RARB: variants seen among roughly 807,000 people sequenced by gnomAD.
The protein encoded by RARB is HBV-activated protein.
RARB carries 17 observed loss-of-function variants against 51.9 expected under a neutral mutation model. The ratio of observed to expected loss-of-function variants is 0.33; its 90% CI spans 0.22 to 0.49. RARB has a LOEUF of 0.49. Ranked by LOEUF, RARB falls within the 20% of genes least tolerant of loss-of-function variation. The probability of loss-of-function intolerance (pLI) is 0.99; values close to 1 mark genes in which losing one functional copy is unlikely to be tolerated. For missense variants in RARB, 369 were observed against 550.8 expected, an observed-to-expected ratio of 0.67 and a Z score of 3.30; for synonymous variants, 215 against 195.4, an observed-to-expected ratio of 1.10 and a Z score of -0.84.
chr3:25,349,778 A>T (rs189905769), intron 5 of RARB, among the ~76,000 whole-genome samples: 2 of 152,232 alleles, frequency 1.3e-5, no homozygotes, highest in Admixed American at 1.3e-4. Context: ...TAACAAAACT[A>T]CCCCCAACAT....
chr3:25,139,673 G>A (rs533546718), intron 4 of RARB, among the ~76,000 whole-genome samples: 111 of 152,296 alleles, frequency 7.3e-4, no homozygotes, highest in Middle Eastern at 3.4e-3. Flanking sequence ...GACTAGGTAG[G>A]ATAATTGATG....
intron 2 of RARB, among the ~76,000 whole-genome samples, chr3:24,866,228 T>G (rs2125345716): frequency 6.6e-6 from 1 of 152,210 alleles, no homozygotes; most frequent in African/African-American, 2.4e-5. Context: ...TCCTAACGGC[T>G]TGTAATTCCA....
chr3:25,317,896 C>T (rs565845619), intron 5 of RARB, among the ~76,000 whole-genome samples: 1 of 146,504 alleles, frequency 6.8e-6, no homozygotes, highest in East Asian at 2.1e-4. Context: ...TTCACACCAC[C>T]CAGCCTGTCT....
At chr3:25,157,978 T>G (rs151237634) in intron 4 of RARB, among the ~76,000 whole-genome samples, 1 of 152,360 alleles carries the variant, frequency 6.6e-6, no homozygotes, top group African/African-American at 2.4e-5. Flanking sequence ...AATTAATAAC[T>G]TTTCCAAAGT....
At chr3:24,996,189 A>G (rs923499459) in intron 2 of RARB, among the ~76,000 whole-genome samples, 7 of 152,072 alleles carry the variant, frequency 4.6e-5, no homozygotes, top group East Asian at 3.9e-4. Flanking sequence ...ATCTTGGTAC[A>G]TTATATGTGT....
intron 5 of RARB, among the ~76,000 whole-genome samples, chr3:25,359,840 CTGTT>C (rs1424917472): frequency 3.3e-5 from 5 of 152,110 alleles, no homozygotes; most frequent in South Asian, 4.1e-4. Context: ...GTCTGAGAGA[CTGTT>C]TGTTATGATT....
chr3:25,526,042 T>G (rs1253649051), intron 3 of RARB, among the ~76,000 whole-genome samples: 2 of 152,168 alleles, frequency 1.3e-5, no homozygotes, highest in African/African-American at 4.8e-5. Flanking sequence ...AATGCATAAT[T>G]AACAATCAAG....
In RARB at chr3:25,329,293, C is replaced by A. The variant is rs1044085496; in HGVS notation, c.179-131900C>A. Among the ~76,000 whole-genome samples, 3 of 152,212 alleles carry A rather than the reference C, an allele frequency of 2.0e-5. No homozygotes were observed. In the East Asian group the frequency reaches 5.8e-4, roughly 30 times the overall value. On this transcript the variant is annotated intron_variant, in intron 5 of 11. Transcript: ENST00000383772. ...CCACCCAGTAGGGGCTGACTGACAC[C>A]TCATACGGCCGGGTGCCCCTCTGAG... is the stretch of plus-strand genomic sequence containing the variant.
At chr3:24,906,296 G>C (rs1694862855) in intron 2 of RARB, among the ~76,000 whole-genome samples, 1 of 152,190 alleles carries the variant, frequency 6.6e-6, no homozygotes. Context: ...TGGGTTTAGA[G>C]AAGAATGGAT....
intron 2 of RARB, among the ~76,000 whole-genome samples, chr3:24,878,860 G>A (rs1283738339): frequency 6.6e-6 from 1 of 152,024 alleles, no homozygotes; most frequent in Admixed American, 6.5e-5. Context: ...ACTGTCTCCT[G>A]CCTATAGATA....
chr3:25,171,805 TTGAG>T (rs1240325515), intron 4 of RARB, among the ~76,000 whole-genome samples: 1 of 152,120 alleles, frequency 6.6e-6, no homozygotes, highest in Admixed American at 6.5e-5. Flanking sequence ...AAAAATCAAA[TTGAG>T]TGGAAACTCA....
intron 3 of RARB, among the ~76,000 whole-genome samples, chr3:25,075,760 T>C (rs1316832932): frequency 6.6e-6 from 1 of 152,130 alleles, no homozygotes; most frequent in Non-Finnish European, 1.5e-5. Context: ...CACACTGTTT[T>C]GGAGTTACTT....
intron 5 of RARB, among the ~76,000 whole-genome samples, chr3:25,419,415 C>A (rs968269917): frequency 2.6e-5 from 4 of 152,158 alleles, no homozygotes; most frequent in African/African-American, 2.4e-5. Context: ...CTGGCTCACA[C>A]TGGATTCTGC....
Position 25,275,161 on chromosome 3 carries a change from C to G in RARB, c.178+100586C>G, listed in dbSNP as rs949338572. Among the ~76,000 whole-genome samples, 4 of 152,170 alleles carry G rather than the reference C, an allele frequency of 2.6e-5. No individual in the cohort carries two copies. The East Asian group carries it at 7.7e-4, about 29-fold the overall frequency. ...ATCATACCCACAGACTCTCCGTGAGCACCTCTTAACCCAAGTCTGGCTAGG... is the reference window on the plus strand; with the variant it reads ...ATCATACCCACAGACTCTCCGTGAGGACCTCTTAACCCAAGTCTGGCTAGG... On this transcript the variant is annotated intron_variant, in intron 5 of 11. Transcript: ENST00000383772.
chr3:25,580,433 C>A (rs929074792), intron 4 of RARB, 113 bp from the exon 5 acceptor site: 2 of 1,036,680 alleles, frequency 1.9e-6, no homozygotes, highest in South Asian at 1.9e-5. Flanking sequence ...CACCAACAAC[C>A]TGCCTGCTCA....
intron 5 of RARB, among the ~76,000 whole-genome samples, chr3:25,185,909 G>A (rs539820307): frequency 6.6e-6 from 1 of 152,178 alleles, no homozygotes; most frequent in African/African-American, 2.4e-5. Flanking sequence ...TGCTGCAAAG[G>A]CTAACATCAT....
intron 5 of RARB, among the ~76,000 whole-genome samples, chr3:25,185,306 A>G (rs17015924): frequency 0.041 from 6,182 of 152,230 alleles, 446 homozygotes; most frequent in African/African-American, 0.14. Flanking sequence ...GCTATTTTTC[A>G]TAGATGAGGA....
intron 5 of RARB, among the ~76,000 whole-genome samples, chr3:25,202,842 G>A (rs957034579): frequency 6.6e-6 from 1 of 152,186 alleles, no homozygotes; most frequent in African/African-American, 2.4e-5. Context: ...GCTGAGGAGT[G>A]CTTTCCTTCC....
At chr3:25,012,455 G>C (rs537857339) in intron 2 of RARB, among the ~76,000 whole-genome samples, 1 of 152,210 alleles carries the variant, frequency 6.6e-6, no homozygotes, top group Admixed American at 6.6e-5. Flanking sequence ...TCATCAGCCA[G>C]GTTCAGAAAA....
Sources: gnomAD v4.1 joint callset for allele counts (sites outside exome capture counted in the v4.1 genomes callset) on GRCh38, gnomAD v4.1.1 for gene constraint, MANE v1.5 for transcripts, NCBI Gene and HGNC (gene_info 2026-07-23, HGNC 2026-07-21) for gene names.